DNAH11: variants seen among roughly 807,000 people sequenced by gnomAD.
The protein encoded by DNAH11 is axonemal beta dynein heavy chain 11.
In DNAH11, 442 loss-of-function variants were observed where a neutral mutation model predicts 526.0. The observed-to-expected ratio is 0.84, with a 90% confidence interval of 0.78 to 0.91. The LOEUF is 0.91. DNAH11 is among the 40% of genes least tolerant of loss of function. The pLI, the probability that DNAH11 is intolerant of heterozygous loss-of-function variation, is 0.00. For missense variants in DNAH11, 6,989 were observed against 5,448.7 expected (o/e 1.28, Z -8.90); for synonymous variants, 2,461 against 1,935.9 (o/e 1.27, Z -7.12).
At chr7:21,637,564 A>G (rs1315043001) in intron 26 of DNAH11, 47 bp from the exon 27 acceptor site, 1 of 1,218,864 alleles carries the variant, frequency 8.2e-7, no homozygotes, top group Non-Finnish European at 1.2e-6. Context: ...AAAAGTTTAG[A>G]AAAGATTGTT....
At chr7:21,622,776 T>C (rs1206915784) in intron 25 of DNAH11, among the ~76,000 whole-genome samples, 1 of 152,326 alleles carries the variant, frequency 6.6e-6, no homozygotes, top group East Asian at 1.9e-4. Context: ...TGTAGAAAGC[T>C]GAAACTGGAT....
intron 74 of DNAH11, among the ~76,000 whole-genome samples, 160 bp downstream of exon 74, chr7:21,873,661 A>G (rs1176113972): frequency 1.3e-5 from 2 of 152,128 alleles, no homozygotes; most frequent in Non-Finnish European, 2.9e-5. Context: ...ATCTCTTGAA[A>G]GAATTGCCCC....
chr7:21,898,636 T>A (rs1784617390), intron 79 of DNAH11, among the ~76,000 whole-genome samples: 1 of 152,180 alleles, frequency 6.6e-6, no homozygotes, highest in Non-Finnish European at 1.5e-5. Context: ...CTTAATTTTA[T>A]CGAAGAGGTT....
intron 39 of DNAH11, 28 bp from the exon 40 acceptor site, chr7:21,707,671 T>A: frequency 6.3e-7 from 1 of 1,599,548 alleles, no homozygotes; most frequent in East Asian, 2.2e-5. Flanking sequence ...AGTATTAATT[T>A]TTTTGGCTCT....
intron 57 of DNAH11, 119 bp downstream of exon 57, chr7:21,779,223 T>C (rs1399192180): frequency 8.0e-7 from 1 of 1,244,940 alleles, no homozygotes; most frequent in East Asian, 2.6e-5. Flanking sequence ...AGAATTATTA[T>C]AGTTACACAT....
In DNAH11 at chr7:21,744,980, G is replaced by C. The variant is rs745714334; in HGVS notation, c.8427G>C (p.Thr2809=). 2 of 1,610,000 alleles carry C rather than the reference G, an allele frequency of 1.2e-6. No individual in the cohort carries two copies. Among genetic ancestry groups the C allele is most frequent in the Non-Finnish European group, 1.7e-6 (2 of 1,178,068 alleles). ...TGAAGGACTGGGAAGTGCTGAAGAC[G>C]ATTCTTACAGAAACGTTAGACAACT... ...MPVKDWEVLK[T]ILTETLDNYN... The change falls in exon 51 of 82, where the codon ACG becomes ACC. Residue 2809 remains threonine (T), a synonymous_variant. Transcript: ENST00000409508.
Position 21,786,561 on chromosome 7 carries a change from C to T in DNAH11, c.9598-63C>T. The T allele has an allele frequency of 1.3e-5, 20 of 1,518,570 alleles. No homozygotes were observed. The South Asian group carries it at 2.7e-4, about 21-fold the overall frequency. 94.1% of individuals were successfully genotyped at this position (1,518,570 alleles called of 1,614,324 possible). A position where few individuals can be genotyped will look rare whatever the true frequency, so the allele number is the denominator to read the frequency against. The stretch of plus-strand genomic sequence containing the variant: ...CACTAAAGCCTTGCTTGGCAACTTA[C>T]AGAGCTTCTCCAGACTTCCGCTAAT... On this transcript the variant is annotated intron_variant, in intron 58 of 81. Transcript: ENST00000409508.
chr7:21,852,055 G>T (rs1490829634), intron 66 of DNAH11, among the ~76,000 whole-genome samples: 1 of 151,964 alleles, frequency 6.6e-6, no homozygotes, highest in Non-Finnish European at 1.5e-5. Flanking sequence ...AATGTTAAGG[G>T]TGTTTTATTA....
chr7:21,826,874 TTG>T (rs1376955775), intron 65 of DNAH11, among the ~76,000 whole-genome samples: 1 of 151,850 alleles, frequency 6.6e-6, no homozygotes, highest in Non-Finnish European at 1.5e-5. Context: ...TTTGGGGGAG[TTG>T]TTGTTGTTGT....
chr7:21,763,081 C>T (rs1288100805), intron 54 of DNAH11, among the ~76,000 whole-genome samples: 1 of 152,104 alleles, frequency 6.6e-6, no homozygotes, highest in Non-Finnish European at 1.5e-5. Flanking sequence ...CGGTGGCTCA[C>T]GCCTGTAATC....
chr7:21,839,534 C>T lies in DNAH11; in HGVS notation c.10692-3010C>T, dbSNP rs187848700. Among the ~76,000 whole-genome samples the T allele has an allele frequency of 2.8e-4, 43 of 151,320 alleles. No individual in the cohort carries two copies. In the Middle Eastern group the frequency reaches 0.014, roughly 48 times the overall value. ...AGCTTTCAGGGATCCGAGATCACACCACTGCACTCCAACCTGGGCGACAGA... is the reference window on the plus strand; with the variant it reads ...AGCTTTCAGGGATCCGAGATCACACTACTGCACTCCAACCTGGGCGACAGA... On this transcript the variant is annotated intron_variant, in intron 65 of 81. Coordinates refer to ENST00000409508, the MANE Select transcript of DNAH11 (RefSeq NM_001277115.2).
intron 51 of DNAH11, among the ~76,000 whole-genome samples, chr7:21,748,162 CACTAT>C (rs60073681): frequency 0.93 from 140,769 of 152,016 alleles, 65,250 homozygotes; most frequent in Non-Finnish European, 0.94. Context: ...TTTAGTCTCT[CACTAT>C]ACTATTTATC....
Position 21,635,886 on chromosome 7 carries a change from C to T in DNAH11, c.4516C>T (p.Leu1506Phe). 6.2e-7 allele frequency: 1 copy of T among 1,610,862 alleles called. No individual in the cohort carries two copies. Among genetic ancestry groups the T allele is most frequent in the Middle Eastern group, 1.7e-4 (1 of 6,060 alleles). Reference sequence around the variant, plus strand: ...TTTATTTTAGGTTCAGTTGCAGACTCTTCTTCAAAGCAAGTATGTAGAATA... The same window carrying T: ...TTTATTTTAGGTTCAGTTGCAGACTTTTCTTCAAAGCAAGTATGTAGAATA... ...LEHNQVQLQT[L>F]LQSKYVEYFI... is the part of the protein sequence containing the mutation. The change falls in exon 26 of 82, where the codon CTT becomes TTT. Residue 1506 changes from leucine (L) to phenylalanine (F), a missense_variant. By Grantham distance (22) the Leu-to-Phe change is conservative. Coordinates refer to ENST00000409508, the MANE Select transcript of DNAH11 (RefSeq NM_001277115.2).
intron 45 of DNAH11, among the ~76,000 whole-genome samples, chr7:21,731,585 A>G (rs796126918): frequency 3.3e-5 from 5 of 152,334 alleles, no homozygotes; most frequent in African/African-American, 1.2e-4. Context: ...AAATTTACAA[A>G]TAAAAGTTCA....
At chr7:21,898,816 C>T (rs897614920) in intron 79 of DNAH11, among the ~76,000 whole-genome samples, 1 of 152,168 alleles carries the variant, frequency 6.6e-6, no homozygotes, top group Non-Finnish European at 1.5e-5. Flanking sequence ...AACCTTTTTC[C>T]TCCCCACTTT....
intron 28 of DNAH11, among the ~76,000 whole-genome samples, chr7:21,643,290 T>C (rs1787203614): frequency 6.6e-6 from 1 of 152,248 alleles, no homozygotes; most frequent in African/African-American, 2.4e-5. Flanking sequence ...GGTTGTTATA[T>C]ACTACCTTAA....
intron 14 of DNAH11, among the ~76,000 whole-genome samples, chr7:21,594,317 C>T (rs556147061): frequency 1.3e-5 from 2 of 152,242 alleles, no homozygotes; most frequent in South Asian, 2.1e-4. Flanking sequence ...TGCAGTCCAT[C>T]ATCATTCACT....
chr7:21,697,106 A>C (rs1014464785), intron 35 of DNAH11, among the ~76,000 whole-genome samples: 1 of 152,172 alleles, frequency 6.6e-6, no homozygotes, highest in African/African-American at 2.4e-5. Flanking sequence ...CATGAAGTAG[A>C]CTGCAATTAT....
chr7:21,704,721 A>G, intron 38 of DNAH11, 93 bp downstream of exon 38: 1 of 1,368,292 alleles, frequency 7.3e-7, no homozygotes, highest in South Asian at 1.5e-5. Flanking sequence ...GTTAACTTGT[A>G]CCCTAACCTT....
Sources: gnomAD v4.1 joint callset for allele counts (sites outside exome capture counted in the v4.1 genomes callset) on GRCh38, gnomAD v4.1.1 for gene constraint, MANE v1.5 for transcripts, NCBI Gene and HGNC (gene_info 2026-07-23, HGNC 2026-07-21) for gene names.